The following ADAMTS6 variants were observed in gnomAD, a reference collection of about 807,000 sequenced individuals.
ADAMTS6 encodes ADAM metallopeptidase with thrombospondin type 1 motif 6.
ADAMTS6 carries 23 observed loss-of-function variants against 144.3 expected under a neutral mutation model. The observed-to-expected ratio is 0.16, with a 90% confidence interval of 0.11 to 0.23. The LOEUF (loss-of-function observed/expected upper bound fraction) is 0.23, where lower values mean the gene tolerates loss of function less well. Among genes scored for constraint, ADAMTS6 ranks in the 10% least tolerant of loss-of-function variants. The probability of loss-of-function intolerance (pLI) is 1.00; values close to 1 mark genes in which losing one functional copy is unlikely to be tolerated. For missense variants in ADAMTS6, 999 were observed against 1,379.6 expected (o/e 0.72, Z 4.37); for synonymous variants, 444 against 457.5 (o/e 0.97, Z 0.38).
chr5:65,201,139 A>G (rs373189619), intron 20 of ADAMTS6, among the ~76,000 whole-genome samples: 111 of 152,304 alleles, frequency 7.3e-4, no homozygotes, highest in African/African-American at 2.6e-3. Flanking sequence ...AAAAGGTGCA[A>G]GAAGCCCATC....
chr5:65,437,856 C>T (rs960050824), intron 7 of ADAMTS6, among the ~76,000 whole-genome samples: 13 of 152,048 alleles, frequency 8.5e-5, no homozygotes, highest in South Asian at 8.3e-4. Context: ...TTTCGATCCA[C>T]GATTGGTTGA....
At chr5:65,154,027 G>A (rs558247356) in intron 24 of ADAMTS6, among the ~76,000 whole-genome samples, 58 of 152,136 alleles carry the variant, frequency 3.8e-4, no homozygotes, top group African/African-American at 1.4e-3. Flanking sequence ...AGCCAACATG[G>A]TGAAACCGCA....
intron 22 of ADAMTS6, among the ~76,000 whole-genome samples, chr5:65,184,321 T>G (rs944351222): frequency 1.3e-5 from 2 of 152,264 alleles, no homozygotes; most frequent in Non-Finnish European, 2.9e-5. Flanking sequence ...GAGTTCTCCC[T>G]GGAGAGATGG....
intron 9 of ADAMTS6, among the ~76,000 whole-genome samples, chr5:65,318,164 C>T (rs770373991): frequency 4.6e-5 from 7 of 151,324 alleles, no homozygotes; most frequent in Admixed American, 1.3e-4. Flanking sequence ...AAATGCAAAT[C>T]GAAACTACAA....
chr5:65,173,335 T>C (rs1018013766), intron 22 of ADAMTS6, among the ~76,000 whole-genome samples: 15 of 152,346 alleles, frequency 9.8e-5, no homozygotes, highest in African/African-American at 3.6e-4. Context: ...ATTTTTGGAA[T>C]GTGGAAACCT....
chr5:65,209,164 A>C, intron 20 of ADAMTS6, among the ~76,000 whole-genome samples: 1 of 152,220 alleles, frequency 6.6e-6, no homozygotes, highest in East Asian at 1.9e-4. Flanking sequence ...TACTGGCATA[A>C]ATTACCACTT....
At chr5:65,391,677 T>G (rs1278179799) in intron 7 of ADAMTS6, among the ~76,000 whole-genome samples, 6 of 152,148 alleles carry the variant, frequency 3.9e-5, no homozygotes, top group Non-Finnish European at 7.3e-5. Flanking sequence ...TTAGCTGTCA[T>G]ATCTCTTTAG....
rs183130299 is a variant in ADAMTS6, at chr5:65,377,197, C to T, written c.1074-43112G>A. Among the ~76,000 whole-genome samples, 175 of 152,218 alleles carry T rather than the reference C, an allele frequency of 1.1e-3. 1 individual carries two copies. Among genetic ancestry groups the T allele is most frequent in the Non-Finnish European group, 2.0e-3 (133 of 68,006 alleles). ...GTGGGAGTGACAGAGACAAGTACTT[C>T]CTTCTCTCTCCATTTTTATATTTCC... On this transcript the variant is annotated intron_variant, in intron 7 of 24. Transcript: ENST00000381055.
At chr5:65,357,155 A>C (rs1476942579) in intron 7 of ADAMTS6, among the ~76,000 whole-genome samples, 3 of 151,838 alleles carry the variant, frequency 2.0e-5, no homozygotes, top group African/African-American at 7.2e-5. Context: ...TAAATAATAG[A>C]AAAAAATTGG....
chr5:65,312,975 T>A (rs1282739344), intron 9 of ADAMTS6, among the ~76,000 whole-genome samples: 2 of 152,044 alleles, frequency 1.3e-5, no homozygotes, highest in Non-Finnish European at 2.9e-5. Flanking sequence ...AATTAGTTAA[T>A]GATAGCTAAA....
intron 7 of ADAMTS6, among the ~76,000 whole-genome samples, chr5:65,431,663 C>A (rs976063415): frequency 6.6e-6 from 1 of 152,066 alleles, no homozygotes; most frequent in African/African-American, 2.4e-5. Context: ...AGTTTTCTAA[C>A]TGAAACCACT....
At chr5:65,366,489 CT>C (rs1357778524) in intron 7 of ADAMTS6, among the ~76,000 whole-genome samples, 2 of 152,178 alleles carry the variant, frequency 1.3e-5, no homozygotes, top group South Asian at 2.1e-4. Flanking sequence ...CACAATGCCC[CT>C]GGTAGCTGAG....
At chr5:65,480,301 C>A (rs1485483570) in intron 1 of ADAMTS6, among the ~76,000 whole-genome samples, 1 of 152,098 alleles carries the variant, frequency 6.6e-6, no homozygotes, top group Non-Finnish European at 1.5e-5. Flanking sequence ...CTCTGCTCTG[C>A]ACACCCTCAC....
At chr5:65,328,548 C>G (rs1245858895) in intron 9 of ADAMTS6, among the ~76,000 whole-genome samples, 1 of 151,548 alleles carries the variant, frequency 6.6e-6, no homozygotes, top group Non-Finnish European at 1.5e-5. Flanking sequence ...AAAAAAAAAT[C>G]CTGTTAGTAA....
chr5:65,357,640 TAAAC>T (rs1205126447), intron 7 of ADAMTS6, among the ~76,000 whole-genome samples: 4 of 151,172 alleles, frequency 2.6e-5, no homozygotes, highest in African/African-American at 4.9e-5. Context: ...AAAAAAAACA[TAAAC>T]AAAAGAGATG....
At chr5:65,184,580 T>C (rs1754553218) in intron 22 of ADAMTS6, among the ~76,000 whole-genome samples, 1 of 152,202 alleles carries the variant, frequency 6.6e-6, no homozygotes, top group South Asian at 2.1e-4. Context: ...AAATAAACCA[T>C]TTTGATACAT....
chr5:65,469,498 C>A (rs184961278), intron 3 of ADAMTS6, among the ~76,000 whole-genome samples: 112 of 152,188 alleles, frequency 7.4e-4, no homozygotes, highest in Middle Eastern at 3.4e-3. Flanking sequence ...AGTTTTAGAA[C>A]ACATTTTGGA....
At chr5:65,439,574 A>T (rs748960680) in intron 7 of ADAMTS6, among the ~76,000 whole-genome samples, 3 of 152,194 alleles carry the variant, frequency 2.0e-5, no homozygotes, top group Non-Finnish European at 2.9e-5. Context: ...CAAGCGAAAG[A>T]AAGGCTGAGG....
intron 15 of ADAMTS6, among the ~76,000 whole-genome samples, chr5:65,239,350 A>G (rs1758969801): frequency 6.6e-6 from 1 of 152,208 alleles, no homozygotes; most frequent in Non-Finnish European, 1.5e-5. Context: ...ACAGATCAAC[A>G]AAACAAAACA....
Sources: allele counts gnomAD v4.1 joint callset (sites outside exome capture counted in the v4.1 genomes callset), GRCh38; gene constraint gnomAD v4.1.1; transcripts MANE v1.5; gene names NCBI Gene and HGNC (gene_info 2026-07-23, HGNC 2026-07-21).